Variants in CORIN observed in about 807,000 individuals in gnomAD.
The protein encoded by CORIN is corin, serine peptidase.
In CORIN, 117 loss-of-function variants were observed where a neutral mutation model predicts 125.3. That is an observed-to-expected ratio of 0.93 (90% CI 0.80 to 1.09). The LOEUF (loss-of-function observed/expected upper bound fraction) is 1.09, where lower values mean the gene tolerates loss of function less well. Among genes scored for constraint, CORIN ranks in the 50% least tolerant of loss-of-function variants. CORIN has a pLI of 0.00. For synonymous variants in CORIN, 450 were observed against 466.4 expected, an observed-to-expected ratio of 0.96 and a Z score of 0.45; for missense variants, 1,253 against 1,306.7, an observed-to-expected ratio of 0.96 and a Z score of 0.63.
At chr4:47,645,053 C>T in intron 14 of CORIN, 28 bp downstream of exon 14, 1 of 1,310,412 alleles carries the variant, frequency 7.6e-7, no homozygotes. Flanking sequence ...TAAAAATGCT[C>T]TGTTGACAAA....
At chr4:47,725,508 C>G (rs1053260833) in intron 5 of CORIN, among the ~76,000 whole-genome samples, 1 of 151,868 alleles carries the variant, frequency 6.6e-6, no homozygotes, top group Non-Finnish European at 1.5e-5. Flanking sequence ...GGTGCAAAAG[C>G]AATTTAATAG....
At position 47,595,082 on chromosome 4, in the gene CORIN, T is replaced by C. The variant is rs1467969852; in HGVS notation, c.*639A>G. The C allele has an allele frequency of 1.3e-5, 2 of 152,180 alleles. No homozygotes were observed. Among genetic ancestry groups the C allele is most frequent in the Non-Finnish European group, 2.9e-5 (2 of 68,030 alleles). The allele number at this position is 152,180 out of a possible 1,614,324, so 9.4% of individuals were successfully genotyped here. On this transcript the variant is annotated 3_prime_UTR_variant, in exon 22 of 22. Coordinates refer to ENST00000273857, the MANE Select transcript of CORIN (RefSeq NM_006587.4). ...TGCAAACATTAGAAGGGGGTAATAGTAAATACTTTAAACATGTAAATTATC... is the reference window on the plus strand; with the variant it reads ...TGCAAACATTAGAAGGGGGTAATAGCAAATACTTTAAACATGTAAATTATC...
intron 21 of CORIN, among the ~76,000 whole-genome samples, chr4:47,596,426 A>T (rs1016617428): frequency 3.9e-5 from 6 of 152,220 alleles, no homozygotes; most frequent in Admixed American, 2.0e-4. Context: ...AATAGTTCTT[A>T]GGACTTTTTA....
chr4:47,615,021 C>A (rs1217944358), intron 19 of CORIN, among the ~76,000 whole-genome samples: 1 of 152,210 alleles, frequency 6.6e-6, no homozygotes, highest in African/African-American at 2.4e-5. Context: ...GAGAAAGTGA[C>A]ACTCAAATTG....
intron 19 of CORIN, among the ~76,000 whole-genome samples, chr4:47,622,006 C>A (rs534463951): frequency 3.2e-5 from 2 of 62,578 alleles, no homozygotes; most frequent in Non-Finnish European, 6.5e-5. Context: ...CCCCTCCCCC[C>A]ACCCCACAAC....
At chr4:47,610,445 TG>T (rs1195053229) in intron 19 of CORIN, among the ~76,000 whole-genome samples, 12 of 150,784 alleles carry the variant, frequency 8.0e-5, no homozygotes, top group African/African-American at 1.7e-4. Context: ...CACTTTTTAA[TG>T]GGGTTTTTTT....
chr4:47,760,115 T>C (rs1238344447), intron 4 of CORIN, among the ~76,000 whole-genome samples: 1 of 152,230 alleles, frequency 6.6e-6, no homozygotes, highest in African/African-American at 2.4e-5. Context: ...CTATAGCAGC[T>C]ACAGCCTTAT....
chr4:47,738,016 C>T (rs538663199), intron 5 of CORIN, among the ~76,000 whole-genome samples: 2 of 151,920 alleles, frequency 1.3e-5, no homozygotes, highest in African/African-American at 4.8e-5. Context: ...AATTAATAAT[C>T]GATTAACACT....
chr4:47,691,080 G>T (rs184605461), intron 6 of CORIN, among the ~76,000 whole-genome samples: 9 of 152,330 alleles, frequency 5.9e-5, no homozygotes, highest in Admixed American at 5.2e-4. Context: ...GTAACACGTT[G>T]TTGACAAGGA....
intron 3 of CORIN, among the ~76,000 whole-genome samples, chr4:47,769,163 T>C (rs1729902269): frequency 1.3e-5 from 2 of 152,102 alleles, no homozygotes; most frequent in South Asian, 4.1e-4. Context: ...AATCAGTTGT[T>C]TCAATCAGAA....
At chr4:47,626,734 A>T (rs1472452122) in intron 16 of CORIN, among the ~76,000 whole-genome samples, 2 of 152,222 alleles carry the variant, frequency 1.3e-5, no homozygotes, top group Non-Finnish European at 2.9e-5. Context: ...TAGGATTATA[A>T]TGTGTATGAT....
intron 5 of CORIN, among the ~76,000 whole-genome samples, chr4:47,698,513 C>A (rs1265992915): frequency 2.0e-5 from 3 of 151,822 alleles, no homozygotes; most frequent in Admixed American, 6.6e-5. Context: ...AAGGGAGGGT[C>A]CAAACACACA....
chr4:47,739,310 C>T (rs575561629), intron 5 of CORIN, among the ~76,000 whole-genome samples: 1 of 152,184 alleles, frequency 6.6e-6, no homozygotes, highest in East Asian at 1.9e-4. Context: ...AGATAAGCAA[C>T]TCATCAGATA....
intron 5 of CORIN, among the ~76,000 whole-genome samples, chr4:47,719,871 T>C (rs2109794906): frequency 6.6e-6 from 1 of 152,352 alleles, no homozygotes; most frequent in Non-Finnish European, 1.5e-5. Flanking sequence ...GAAAATTTTT[T>C]CAAATATTCT....
At chr4:47,626,293 T>C in intron 17 of CORIN, 112 bp downstream of exon 17, 2 of 711,848 alleles carry the variant, frequency 2.8e-6, no homozygotes, top group Non-Finnish European at 5.1e-6. Flanking sequence ...GGAAACTCTT[T>C]ACTGATATGA....
intron 2 of CORIN, among the ~76,000 whole-genome samples, chr4:47,787,513 C>CAA (rs769509859): frequency 0.011 from 1,266 of 120,102 alleles, 23 homozygotes; most frequent in African/African-American, 0.036. Flanking sequence ...TCATAGGAAC[C>CAA]AAAAAAAAAA....
intron 12 of CORIN, among the ~76,000 whole-genome samples, chr4:47,658,770 A>T (rs188971811): frequency 3.7e-4 from 57 of 152,346 alleles, no homozygotes; most frequent in Non-Finnish European, 6.9e-4. Flanking sequence ...TTGGTTATAC[A>T]AATTTCTCCA....
intron 11 of CORIN, among the ~76,000 whole-genome samples, chr4:47,663,764 GAAGT>G (rs1163038795): frequency 3.9e-5 from 6 of 152,256 alleles, no homozygotes; most frequent in South Asian, 2.1e-4. Context: ...TTGCAAAAGT[GAAGT>G]AAGATTTAAA....
chr4:47,653,492 T>A (rs181716855), intron 13 of CORIN, 61 bp downstream of exon 13: 3 of 1,352,610 alleles, frequency 2.2e-6, no homozygotes, highest in Middle Eastern at 3.6e-4. Flanking sequence ...TTTAACACAG[T>A]TTCTTATTTT....
Sources: allele counts gnomAD v4.1 joint callset (sites outside exome capture counted in the v4.1 genomes callset), GRCh38; gene constraint gnomAD v4.1.1; transcripts MANE v1.5; gene names NCBI Gene and HGNC (gene_info 2026-07-23, HGNC 2026-07-21).